The following MED12L variants were observed in gnomAD, a reference collection of about 807,000 sequenced individuals.
MED12L encodes mediator of RNA polymerase II transcription subunit 12-like protein.
A neutral mutation model predicts 281.3 loss-of-function variants in MED12L; 60 were observed. The ratio of observed to expected loss-of-function variants is 0.21; its 90% CI spans 0.17 to 0.26. The LOEUF (loss-of-function observed/expected upper bound fraction) is 0.26, where lower values mean the gene tolerates loss of function less well. Among genes scored for constraint, MED12L ranks in the 10% least tolerant of loss-of-function variants. The pLI, the probability that MED12L is intolerant of heterozygous loss-of-function variation, is 1.00. For synonymous variants in MED12L, 974 were observed against 987.2 expected (o/e 0.99, Z 0.25); for missense variants, 2,146 against 2,680.9 (o/e 0.80, Z 4.41).
intron 5 of MED12L, among the ~76,000 whole-genome samples, chr3:151,141,187 G>GTTTGTTTTTTTGTTTTGT (rs1716933163): frequency 1.0e-5 from 1 of 99,108 alleles, no homozygotes; most frequent in African/African-American, 4.8e-5. Flanking sequence ...TGTTTTTTTT[G>GTTTGTTTTTTTGTTTTGT]TTTTTTTTTT....
chr3:151,374,326 T>A (rs1289705628), intron 27 of MED12L, among the ~76,000 whole-genome samples: 1 of 152,074 alleles, frequency 6.6e-6, no homozygotes, highest in Admixed American at 6.6e-5. Context: ...GGCAGGTGGA[T>A]CACTTGAGGC....
rs532174340 is a variant in MED12L, at chr3:151,180,726, A to G, written c.1495-4604A>G. On this transcript the variant is annotated intron_variant, in intron 11 of 44. Coordinates refer to ENST00000687756, the MANE Select transcript of MED12L (RefSeq NM_001393769.1). ...AGTCAAATCATTGAGAGACAAGTGT[A>G]CCTTTCCATATTCATTGGATTTTTA... 5.9e-5 allele frequency among the ~76,000 whole-genome samples: 9 copies of G among 152,318 alleles called. No individual in the cohort carries two copies. In the South Asian group the frequency reaches 1.9e-3, roughly 32 times the overall value.
intron 16 of MED12L, among the ~76,000 whole-genome samples, chr3:151,243,559 CA>C (rs1734704816): frequency 6.6e-6 from 1 of 152,130 alleles, no homozygotes; most frequent in African/African-American, 2.4e-5. Flanking sequence ...TACAGACAAG[CA>C]AATACTGAGA....
intron 16 of MED12L, among the ~76,000 whole-genome samples, chr3:151,270,795 C>T (rs1050831517): frequency 3.3e-5 from 5 of 152,226 alleles, no homozygotes; most frequent in African/African-American, 1.2e-4. Flanking sequence ...AAAATAAGTT[C>T]TCTCCAGTGA....
rs529657331 is a variant in MED12L, at chr3:151,116,051, G to A, written c.100-287G>A. Among the ~76,000 whole-genome samples the A allele has an allele frequency of 5.3e-5, 7 of 131,168 alleles. No homozygotes were observed. The South Asian group carries it at 1.3e-3, about 25-fold the overall frequency. The allele number at this position is 131,168 out of a possible 152,430, so 86.1% of individuals were successfully genotyped here. A position where few individuals can be genotyped will look rare whatever the true frequency, so the allele number is the denominator to read the frequency against. On this transcript the variant is annotated intron_variant, in intron 2 of 44. Coordinates refer to ENST00000687756, the MANE Select transcript of MED12L (RefSeq NM_001393769.1). ...TGCACTCCAGGCTGGGCGACAGAGC[G>A]AGACTCCATCTCCAAAAAAAAAAAA...
intron 16 of MED12L, chr3:151,338,028 T>C: frequency 6.2e-7 from 1 of 1,614,116 alleles, no homozygotes; most frequent in Non-Finnish European, 8.5e-7. Flanking sequence ...CAGAGTATTT[T>C]CAGCAGTGCA....
At chr3:151,087,431 T>G (rs1045505429) in intron 2 of MED12L, among the ~76,000 whole-genome samples, 4 of 152,252 alleles carry the variant, frequency 2.6e-5, no homozygotes, top group Admixed American at 6.5e-5. Context: ...ACTGAGGTCT[T>G]GCGTTTTGCT....
chr3:151,225,931 T>G (rs1730404706), intron 16 of MED12L, among the ~76,000 whole-genome samples: 1 of 152,200 alleles, frequency 6.6e-6, no homozygotes. Flanking sequence ...GTTTATAAAG[T>G]ACATTGTAAC....
At chr3:151,409,414 T>C in intron 40 of MED12L, 82 bp downstream of exon 40, 2 of 1,192,756 alleles carry the variant, frequency 1.7e-6, no homozygotes, top group Non-Finnish European at 2.5e-6. Context: ...ATAGAATATA[T>C]CAACTCCCTA....
At chr3:151,408,868 G>A (rs561210063) in intron 39 of MED12L, among the ~76,000 whole-genome samples, 15 of 152,296 alleles carry the variant, frequency 9.8e-5, no homozygotes, top group Middle Eastern at 3.4e-3. Context: ...TGTACCACAC[G>A]TTCTCTTCCC....
chr3:151,116,620 CTTGTCACATCTTT>C (rs1293156698), intron 3 of MED12L, among the ~76,000 whole-genome samples, 178 bp downstream of exon 3: 1 of 152,154 alleles, frequency 6.6e-6, no homozygotes, highest in East Asian at 1.9e-4. Context: ...ATTGCATTTC[CTTGTCACATCTTT>C]TAATTTAGTA....
Position 151,188,418 on chromosome 3 carries a change from C to T in MED12L, c.1691C>T (p.Ser564Phe), listed in dbSNP as rs937910886. The stretch of plus-strand genomic sequence containing the variant: ...ATTTCTTCATCCTCTCTTGCTGGAT[C>T]CAGTTTGCCTGTTTTCCAGAATGTG... The part of the protein sequence containing the change: ...ESISSSSLAG[S>F]SLPVFQNVLL... Residue 564 changes from serine to phenylalanine, a missense_variant, in exon 13 of 45, where the codon TCC becomes TTC. Physicochemically the swap from Ser to Phe is radical, Grantham distance 155. Transcript: ENST00000687756. The T allele has an allele frequency of 6.8e-6, 11 of 1,611,964 alleles. No individual in the cohort carries two copies. The highest frequency in any genetic ancestry group is 9.3e-6 in the Non-Finnish European group (11 of 1,178,284).
intron 16 of MED12L, among the ~76,000 whole-genome samples, chr3:151,239,012 C>A (rs1298619800): frequency 2.0e-5 from 3 of 152,290 alleles, no homozygotes; most frequent in Non-Finnish European, 4.4e-5. Context: ...AAAATTCAAG[C>A]TTTCAAACTG....
intron 44 of MED12L, among the ~76,000 whole-genome samples, chr3:151,432,391 G>A (rs1025508732): frequency 6.6e-6 from 1 of 152,192 alleles, no homozygotes; most frequent in African/African-American, 2.4e-5. Context: ...ATGTGTTAAA[G>A]TAGAATTGCT....
At chr3:151,137,525 G>A (rs1716326957) in intron 5 of MED12L, among the ~76,000 whole-genome samples, 1 of 152,204 alleles carries the variant, frequency 6.6e-6, no homozygotes. Context: ...CTACTGGGAT[G>A]TTGTGTCTAG....
At chr3:151,354,673 G>C (rs1577416318) in intron 17 of MED12L, among the ~76,000 whole-genome samples, 1 of 152,248 alleles carries the variant, frequency 6.6e-6, no homozygotes, top group African/African-American at 2.4e-5. Context: ...TCACTAGAAT[G>C]GTTAAGTAAA....
At chr3:151,297,866 A>G (rs1281695890) in intron 16 of MED12L, among the ~76,000 whole-genome samples, 1 of 152,148 alleles carries the variant, frequency 6.6e-6, no homozygotes, top group Non-Finnish European at 1.5e-5. Flanking sequence ...GTGTGTATAC[A>G]TATATACATA....
At chr3:151,319,321 C>T (rs1480707143) in intron 16 of MED12L, among the ~76,000 whole-genome samples, 1 of 151,924 alleles carries the variant, frequency 6.6e-6, no homozygotes, top group Non-Finnish European at 1.5e-5. Flanking sequence ...TCATAAAAGC[C>T]CCGGGAATCT....
intron 16 of MED12L, among the ~76,000 whole-genome samples, chr3:151,230,974 A>T (rs894605405): frequency 6.6e-6 from 1 of 152,226 alleles, no homozygotes; most frequent in South Asian, 2.1e-4. Context: ...TTGATCAGAA[A>T]GCAAGGAAGT....
Sources: gnomAD v4.1 joint callset for allele counts (sites outside exome capture counted in the v4.1 genomes callset) on GRCh38, gnomAD v4.1.1 for gene constraint, MANE v1.5 for transcripts, NCBI Gene and HGNC (gene_info 2026-07-23, HGNC 2026-07-21) for gene names.